The following PHF24 variants were observed in gnomAD, a reference collection of about 807,000 sequenced individuals.
PHF24 encodes the protein Galpha inhibitory interacting protein.
PHF24 carries 25 observed loss-of-function variants against 42.6 expected under a neutral mutation model. The observed-to-expected ratio is 0.59, with a 90% CI of 0.43 to 0.82. The LOEUF is 0.82. PHF24 is among the 40% of genes least tolerant of loss of function. The pLI is 0.00. For missense variants in PHF24, 470 were observed against 538.1 expected (o/e 0.87, Z 1.25); for synonymous variants, 185 against 204.8 (o/e 0.90, Z 0.83).
the PHF24 span, among the ~76,000 whole-genome samples, chr9:34,875,950 A>ACTCTCTCTCTCT: frequency 1.1e-4 from 9 of 78,744 alleles, no homozygotes; most frequent in African/African-American, 4.3e-4. Flanking sequence ...ACACACACAC[A>ACTCTCTCTCTCT]CTCTCTCTCT....
the PHF24 span, among the ~76,000 whole-genome samples, chr9:34,787,600 A>G: frequency 3.3e-5 from 5 of 152,222 alleles, no homozygotes; most frequent in Admixed American, 6.5e-5. Flanking sequence ...AAGGGCAGCT[A>G]TTTCTTCAGA....
At chr9:34,704,364 T>C in the PHF24 span, among the ~76,000 whole-genome samples, 1 of 152,214 alleles carries the variant, frequency 6.6e-6, no homozygotes, top group African/African-American at 2.4e-5. Context: ...ACCTATCCTC[T>C]ATATCTGTAT....
the PHF24 span, among the ~76,000 whole-genome samples, chr9:34,812,990 C>A: frequency 6.6e-6 from 1 of 152,192 alleles, no homozygotes; most frequent in African/African-American, 2.4e-5. Context: ...GTTTTTAAAG[C>A]CTTTTATAAA....
At chr9:34,859,457 C>G in the PHF24 span, among the ~76,000 whole-genome samples, 4 of 152,216 alleles carry the variant, frequency 2.6e-5, no homozygotes, top group East Asian at 7.7e-4. Context: ...ATGAAATTTT[C>G]TACTGTTTTG....
the PHF24 span, among the ~76,000 whole-genome samples, chr9:34,830,124 C>T: frequency 6.6e-6 from 1 of 152,176 alleles, no homozygotes; most frequent in African/African-American, 2.4e-5. Flanking sequence ...TGTTAAGTAA[C>T]TTGTCAAATC....
the PHF24 span, among the ~76,000 whole-genome samples, chr9:34,906,697 C>CCTAA: frequency 6.6e-6 from 1 of 151,746 alleles, no homozygotes; most frequent in African/African-American, 2.4e-5. Flanking sequence ...AACCCTAACC[C>CCTAA]CTAACTCTTT....
the PHF24 span, chr9:34,724,546 C>G: frequency 6.5e-7 from 1 of 1,549,092 alleles, no homozygotes; most frequent in Non-Finnish European, 8.7e-7. Context: ...TCTCTAGGAC[C>G]TTTTTTCTCA....
At chr9:34,701,500 G>A in the PHF24 span, among the ~76,000 whole-genome samples, 4 of 152,274 alleles carry the variant, frequency 2.6e-5, no homozygotes, top group South Asian at 4.1e-4. This position sits in a 1 kb window ranked among gnomAD's most constrained non-coding sequence, Gnocchi z 5.8. Flanking sequence ...GCGCGGCTGC[G>A]GCAGAGGGGT....
chr9:34,848,443 G>GAT, the PHF24 span, among the ~76,000 whole-genome samples: 3 of 151,914 alleles, frequency 2.0e-5, no homozygotes, highest in Non-Finnish European at 2.9e-5. Flanking sequence ...GATTGGTGGT[G>GAT]ATATCCCCTT....
At chr9:34,724,350 G>C in the PHF24 span, 1 of 1,551,202 alleles carries the variant, frequency 6.4e-7, no homozygotes, top group Non-Finnish European at 8.7e-7. Context: ...TTGGCCAGCT[G>C]TTCTTTAAGG....
At chr9:34,739,535 C>T in the PHF24 span, among the ~76,000 whole-genome samples, 9 of 152,276 alleles carry the variant, frequency 5.9e-5, no homozygotes, top group African/African-American at 1.9e-4. Flanking sequence ...TGGAGGCTCA[C>T]GGTGAGTGTT....
the PHF24 span, among the ~76,000 whole-genome samples, chr9:34,879,817 A>G: frequency 6.6e-6 from 1 of 152,198 alleles, no homozygotes; most frequent in Non-Finnish European, 1.5e-5. Flanking sequence ...CTAGCAAGGC[A>G]GGCCAACATT....
chr9:34,972,449 G>T (rs754208132), exon 3 of PHF24: 1 of 1,614,088 alleles, frequency 6.2e-7, no homozygotes, highest in African/African-American at 1.3e-5. Flanking sequence ...TGCCTGCGCC[G>T]CATGGGCTAC....
At chr9:34,974,869 C>T (rs577463563) in intron 3 of PHF24, among the ~76,000 whole-genome samples, 24 of 152,246 alleles carry the variant, frequency 1.6e-4, no homozygotes, top group Non-Finnish European at 3.2e-4. Flanking sequence ...TAATACCATG[C>T]CCCAGTTACC....
chr9:34,836,511 C>T, the PHF24 span, among the ~76,000 whole-genome samples: 2 of 152,200 alleles, frequency 1.3e-5, no homozygotes, highest in African/African-American at 4.8e-5. Flanking sequence ...GGTACTTATG[C>T]ATTCTGGGGG....
At chr9:34,705,042 G>C in the PHF24 span, among the ~76,000 whole-genome samples, 1 of 151,778 alleles carries the variant, frequency 6.6e-6, no homozygotes, top group African/African-American at 2.4e-5. Context: ...AGATTTTAGA[G>C]ATAATTCATC....
At chr9:34,976,939 C>G in intron 5 of PHF24, 144 bp from the exon 6 acceptor site, 1 of 995,868 alleles carries the variant, frequency 1.0e-6, no homozygotes, top group South Asian at 1.7e-5. Context: ...TGCCCTGGGC[C>G]GCACTGGAAG....
At chr9:34,789,965 G>A in the PHF24 span, among the ~76,000 whole-genome samples, 1 of 152,134 alleles carries the variant, frequency 6.6e-6, no homozygotes, top group Admixed American at 6.5e-5. Flanking sequence ...TCCAATCTCA[G>A]CCTCCTGAAT....
At chr9:34,922,555 C>T in the PHF24 span, 7 of 972,682 alleles carry the variant, frequency 7.2e-6, no homozygotes, top group Non-Finnish European at 1.2e-5. Flanking sequence ...TAGTGATCTC[C>T]TTTCATTTTC....
Sources: gnomAD v4.1 joint callset for allele counts (sites outside exome capture counted in the v4.1 genomes callset) on GRCh38, gnomAD v4.1.1 for gene constraint, Gnocchi (gnomAD v3.1) non-coding constraint, MANE v1.5 for transcripts, NCBI Gene and HGNC (gene_info 2026-07-23, HGNC 2026-07-21) for gene names.